Variants in WWOX observed in about 807,000 individuals in gnomAD.
The protein encoded by WWOX is WW domain containing oxidoreductase.
Under a neutral mutation model 46.2 loss-of-function variants are expected in WWOX, and 69 were observed. The observed-to-expected ratio is 1.49, with a 90% CI of 1.23 to 1.82. WWOX has a LOEUF of 1.82. Ranked by LOEUF, WWOX falls within the 40% of genes most tolerant of loss-of-function variation. WWOX has a pLI of 0.00. For missense variants in WWOX, 919 were observed against 542.6 expected (o/e 1.69, Z -6.89); for synonymous variants, 359 against 202.6 (o/e 1.77, Z -6.56).
intron 8 of WWOX, among the ~76,000 whole-genome samples, chr16:78,527,219 G>A (rs2667617): frequency 0.82 from 124,499 of 151,846 alleles, 52,332 homozygotes; most frequent in East Asian, 1. Context: ...ACCTAAGGAC[G>A]ACTTTGAATC....
At chr16:78,358,146 A>C (rs2081336560) in intron 5 of WWOX, among the ~76,000 whole-genome samples, 2 of 152,208 alleles carry the variant, frequency 1.3e-5, no homozygotes, top group Non-Finnish European at 2.9e-5. Flanking sequence ...AGAGAAATCT[A>C]ATTGTCAAGT....
intron 8 of WWOX, among the ~76,000 whole-genome samples, chr16:79,209,340 G>A (rs187384230): frequency 1.3e-5 from 2 of 152,306 alleles, no homozygotes; most frequent in East Asian, 1.9e-4. Flanking sequence ...AGAGTGCAAC[G>A]TGGTATCATT....
chr16:79,189,617 T>A (rs764629032), intron 8 of WWOX, among the ~76,000 whole-genome samples: 2 of 152,052 alleles, frequency 1.3e-5, no homozygotes, highest in Admixed American at 6.6e-5. Flanking sequence ...AGCATATTTT[T>A]GAGGAATAAT....
chr16:78,314,567 C>G (rs1403505673), intron 5 of WWOX, among the ~76,000 whole-genome samples: 1 of 147,246 alleles, frequency 6.8e-6, no homozygotes, highest in Admixed American at 6.7e-5. Flanking sequence ...TCTTGTCGCC[C>G]AGGCTGGAGT....
intron 5 of WWOX, among the ~76,000 whole-genome samples, chr16:78,239,258 A>T (rs1249785904): frequency 6.6e-6 from 1 of 152,118 alleles, no homozygotes; most frequent in Non-Finnish European, 1.5e-5. Context: ...TAAGCTGTTG[A>T]CCAGCTCTTG....
In WWOX at chr16:79,169,803, G is replaced by A. The variant is rs187894881; in HGVS notation, c.1057-41805G>A. On this transcript the variant is annotated intron_variant, in intron 8 of 8. Coordinates refer to ENST00000566780, the MANE Select transcript of WWOX (RefSeq NM_016373.4). ...GGGACTACCCTTTTCCTCCCCAGAC[G>A]TTTTTCCTGACTCTAAATAGTGGGA... Among the ~76,000 whole-genome samples the A allele has an allele frequency of 1.3e-3, 200 of 152,190 alleles. 1 individual carries two copies. Among genetic ancestry groups the A allele is most frequent in the African/African-American group, 9.4e-4 (39 of 41,522 alleles).
At chr16:78,934,770 G>C (rs2045700997) in intron 8 of WWOX, among the ~76,000 whole-genome samples, 1 of 152,070 alleles carries the variant, frequency 6.6e-6, no homozygotes, top group Non-Finnish European at 1.5e-5. Context: ...GTTCCTGAGA[G>C]ATTTAAATGC....
chr16:78,954,226 A>G (rs1304315508), intron 8 of WWOX, among the ~76,000 whole-genome samples: 1 of 151,942 alleles, frequency 6.6e-6, no homozygotes, highest in Non-Finnish European at 1.5e-5. Context: ...GGGTGGATGT[A>G]TGGTTGGATG....
rs374945922 is a variant in WWOX at position 78,605,807 on chromosome 16, T to C, written c.1056+173055T>C. ...CAATGTTGGGGCACTCATGGTTAAATTGAACCTTTCCCCTGGTTAAGTGGA... is the reference window on the plus strand; with the variant it reads ...CAATGTTGGGGCACTCATGGTTAAACTGAACCTTTCCCCTGGTTAAGTGGA... On this transcript the variant is annotated intron_variant, in intron 8 of 8. Transcript: ENST00000566780. 3.3e-5 allele frequency among the ~76,000 whole-genome samples: 5 copies of C among 152,190 alleles called. No individual in the cohort carries two copies. In the East Asian group the frequency reaches 5.8e-4, roughly 18 times the overall value.
intron 8 of WWOX, among the ~76,000 whole-genome samples, chr16:78,892,467 T>C (rs1463019638): frequency 6.6e-6 from 1 of 152,176 alleles, no homozygotes; most frequent in East Asian, 1.9e-4. Flanking sequence ...CTACCTCTAG[T>C]TGGAACGGTG....
chr16:78,919,606 C>A (rs2045331576), intron 8 of WWOX, among the ~76,000 whole-genome samples: 1 of 151,564 alleles, frequency 6.6e-6, no homozygotes, highest in Non-Finnish European at 1.5e-5. Context: ...CAACCTCCGC[C>A]TCCCGGGATC....
intron 6 of WWOX, among the ~76,000 whole-genome samples, chr16:78,394,901 C>T (rs2082251072): frequency 6.6e-6 from 1 of 152,202 alleles, no homozygotes; most frequent in African/African-American, 2.4e-5. Flanking sequence ...CTACCACTTA[C>T]TGGCTGTGTG....
At chr16:78,748,646 A>C (rs1332989667) in intron 8 of WWOX, among the ~76,000 whole-genome samples, 1 of 152,214 alleles carries the variant, frequency 6.6e-6, no homozygotes, top group Non-Finnish European at 1.5e-5. Context: ...GGGCCCAGAT[A>C]GGAATCAACA....
At chr16:78,422,338 G>T (rs1003129689) in intron 6 of WWOX, among the ~76,000 whole-genome samples, 3 of 150,940 alleles carry the variant, frequency 2.0e-5, no homozygotes, top group Non-Finnish European at 4.4e-5. Flanking sequence ...TACGTCTTAG[G>T]CTGCGATGTG....
At chr16:78,760,800 C>A (rs974602911) in intron 8 of WWOX, among the ~76,000 whole-genome samples, 9 of 152,166 alleles carry the variant, frequency 5.9e-5, no homozygotes, top group African/African-American at 2.2e-4. Flanking sequence ...CTGATAAAGA[C>A]ATACCCAAGA....
chr16:78,317,653 C>G (rs1336435815), intron 5 of WWOX, among the ~76,000 whole-genome samples: 1 of 152,064 alleles, frequency 6.6e-6, no homozygotes, highest in African/African-American at 2.4e-5. Context: ...CGAAGTCTGC[C>G]TCGTTTAGGC....
At chr16:78,934,993 A>T (rs1162651384) in intron 8 of WWOX, among the ~76,000 whole-genome samples, 1 of 152,232 alleles carries the variant, frequency 6.6e-6, no homozygotes, top group Non-Finnish European at 1.5e-5. Flanking sequence ...GCCAACAGAC[A>T]CATGAAAAAA....
At chr16:79,089,570 T>A (rs1238056622) in intron 8 of WWOX, among the ~76,000 whole-genome samples, 2 of 152,130 alleles carry the variant, frequency 1.3e-5, no homozygotes, top group African/African-American at 2.4e-5. Context: ...GACCTCATGA[T>A]CTGCCCGCCT....
rs73575677 is a variant in WWOX at position 78,805,046 on chromosome 16, C to T, written c.1056+372294C>T. On this transcript the variant is annotated intron_variant, in intron 8 of 8. Transcript: ENST00000566780. ...AAATGCCCCTTTCTCCTGATATTTG[C>T]AACCCATCTTAAAAATAAAAGTACT... 8.7e-3 allele frequency among the ~76,000 whole-genome samples: 1,322 copies of T among 152,318 alleles called. 24 individuals carry two copies. Among genetic ancestry groups the T allele is most frequent in the African/African-American group, 0.03 (1,259 of 41,564 alleles).
Sources: gnomAD v4.1 joint callset for allele counts (sites outside exome capture counted in the v4.1 genomes callset) on GRCh38, gnomAD v4.1.1 for gene constraint, MANE v1.5 for transcripts, NCBI Gene and HGNC (gene_info 2026-07-23, HGNC 2026-07-21) for gene names.